Variants in HMCN1 observed in about 807,000 individuals in gnomAD.
HMCN1 encodes hemicentin 1.
Under a neutral mutation model 625.9 loss-of-function variants are expected in HMCN1, and 321 were observed. That is an observed-to-expected ratio of 0.51 (90% CI 0.47 to 0.56). The LOEUF is 0.56. Among genes scored for constraint, HMCN1 ranks in the 20% least tolerant of loss-of-function variants. The pLI is 0.00. For synonymous variants in HMCN1, 2,425 were observed against 2,417.6 expected, an observed-to-expected ratio of 1.00 and a Z score of -0.09; for missense variants, 6,588 against 6,887.3, an observed-to-expected ratio of 0.96 and a Z score of 1.54.
At chr1:186,165,276 A>C (rs1448665748) in intron 98 of HMCN1, 103 bp downstream of exon 98, 2 of 1,013,194 alleles carry the variant, frequency 2.0e-6, no homozygotes, top group African/African-American at 3.2e-5. Flanking sequence ...TTTAATCTTC[A>C]CAACAGTTCT....
intron 10 of HMCN1, among the ~76,000 whole-genome samples, chr1:185,932,170 G>A (rs1667583648): frequency 6.6e-6 from 1 of 151,970 alleles, no homozygotes; most frequent in Non-Finnish European, 1.5e-5. Flanking sequence ...GGATTCACTA[G>A]CTATTTTCAT....
intron 86 of HMCN1, among the ~76,000 whole-genome samples, chr1:186,135,388 A>G (rs370639225): frequency 3.3e-5 from 5 of 152,108 alleles, no homozygotes; most frequent in African/African-American, 9.7e-5. Context: ...TGCTGTTGCA[A>G]TGGTTTCTGT....
chr1:186,013,977 A>G (rs1654171357), intron 30 of HMCN1, among the ~76,000 whole-genome samples: 1 of 152,170 alleles, frequency 6.6e-6, no homozygotes, highest in Non-Finnish European at 1.5e-5. Flanking sequence ...CTCCATTTCT[A>G]TGGGCTGGAA....
chr1:186,128,063 T>C lies in HMCN1; in HGVS notation c.12691-15T>C. The C allele has an allele frequency of 6.2e-7, 1 of 1,607,904 alleles. No individual in the cohort carries two copies. On this transcript the variant is annotated splice_polypyrimidine_tract_variant and intron_variant, in intron 82 of 106. Coordinates refer to ENST00000271588, the MANE Select transcript of HMCN1 (RefSeq NM_031935.3). Reference sequence around the variant, plus strand: ...ATGATTATGAAATTTTAAATGTTACTTTTTTTAATTTTAGCTGGAGGATTC... The same window carrying C: ...ATGATTATGAAATTTTAAATGTTACCTTTTTTAATTTTAGCTGGAGGATTC...
In HMCN1 at chr1:186,053,875, G is replaced by A. The variant is rs758599839; in HGVS notation, c.6751G>A (p.Gly2251Ser). Reference protein sequence around the residue: ...SMGRVRILSGGRQLQISIAEK... With the variant: ...SMGRVRILSGSRQLQISIAEK... ...GGGGCGAGTTAGAATTTTATCTGGG[G>A]GCAGGCAATTACAAATTTCAATTGC... is the stretch of plus-strand genomic sequence containing the variant. Residue 2251 changes from glycine to serine, a missense_variant, in exon 44 of 107, where the codon GGC becomes AGC. Around this residue, in one of 3 missense-constraint regions of HMCN1, gnomAD observed 4,628 missense variants for 4,853.1 expected, o/e 0.95. Coordinates refer to ENST00000271588, the MANE Select transcript of HMCN1 (RefSeq NM_031935.3). 22 of 1,612,672 alleles carry A rather than the reference G, an allele frequency of 1.4e-5. No individual in the cohort carries two copies. In the East Asian group the frequency reaches 4.9e-4, roughly 36 times the overall value.
chr1:185,986,785 G>T (rs1166005742), intron 19 of HMCN1, among the ~76,000 whole-genome samples: 2 of 140,984 alleles, frequency 1.4e-5, no homozygotes, highest in African/African-American at 5.4e-5. Context: ...GTGAGCCTAG[G>T]AGTTCAAGAC....
Position 186,174,518 on chromosome 1 carries a change from T to G in HMCN1, c.15819T>G (p.Ile5273Met). The change falls in exon 103 of 107, where the codon ATT becomes ATG. Residue 5273 changes from isoleucine to methionine, a missense_variant. By Grantham distance (10) the Ile-to-Met change is conservative (BLOSUM62 1). Transcript: ENST00000271588. Reference protein sequence around the residue: ...TKAENGTCIDIDECKDGTHQC... With the variant: ...TKAENGTCIDMDECKDGTHQC... ...TCATTGCCTCCATGTCTGTAGATAT[T>G]GATGAATGTAAAGATGGGACCCATC... The G allele has an allele frequency of 6.2e-7, 1 of 1,613,824 alleles. No homozygotes were observed. The highest frequency in any genetic ancestry group is 8.5e-7 in the Non-Finnish European group (1 of 1,179,738).
intron 70 of HMCN1, among the ~76,000 whole-genome samples, chr1:186,107,821 C>T (rs1025705288): frequency 1.3e-5 from 2 of 151,964 alleles, no homozygotes; most frequent in Admixed American, 6.6e-5. Flanking sequence ...AACTAATTGT[C>T]AAATTACTTC....
rs143725173 is a variant in HMCN1, at chr1:186,189,585, G to T, written c.16615G>T (p.Val5539Phe). The change falls in exon 107 of 107, where the codon GTC becomes TTC. Residue 5539 changes from valine (V) to phenylalanine (F), a missense_variant. By Grantham distance (50) the Val-to-Phe change is conservative (BLOSUM62 -1). Transcript: ENST00000271588. ...LSPYALEYKLVSLPFGIATNQ... is the reference protein window; with the variant it reads ...LSPYALEYKLFSLPFGIATNQ... Reference sequence around the variant, plus strand: ...CCCATATGCCTTGGAATACAAACTCGTCTCCCTCCCATTTGGAATAGCCAC... The same window carrying T: ...CCCATATGCCTTGGAATACAAACTCTTCTCCCTCCCATTTGGAATAGCCAC... The T allele has an allele frequency of 4.3e-6, 7 of 1,613,608 alleles. No homozygotes were observed. The highest frequency in any genetic ancestry group is 1.3e-5 in the African/African-American group (1 of 74,986).
chr1:185,783,711 G>A (rs757203022), intron 1 of HMCN1, among the ~76,000 whole-genome samples: 78 of 152,282 alleles, frequency 5.1e-4, no homozygotes, highest in Non-Finnish European at 8.1e-4. Flanking sequence ...TGGAAGCTTC[G>A]TCTCAGAGGG....
intron 105 of HMCN1, among the ~76,000 whole-genome samples, chr1:186,187,282 C>T (rs1232557389): frequency 6.6e-6 from 1 of 152,136 alleles, no homozygotes; most frequent in Admixed American, 6.6e-5. Flanking sequence ...TGAACTGCTC[C>T]ATTCGATCAG....
intron 104 of HMCN1, among the ~76,000 whole-genome samples, chr1:186,181,720 G>C (rs1452786660): frequency 6.6e-6 from 1 of 152,094 alleles, no homozygotes; most frequent in Non-Finnish European, 1.5e-5. Context: ...GAGAGAAAGA[G>C]AGCCAAAGTT....
At chr1:185,927,667 C>T (rs765646609) in intron 9 of HMCN1, among the ~76,000 whole-genome samples, 1 of 152,056 alleles carries the variant, frequency 6.6e-6, no homozygotes, top group Non-Finnish European at 1.5e-5. Context: ...TATTTTATAC[C>T]ACTTTCAGAA....
At chr1:185,902,089 C>T (rs932284442) in intron 4 of HMCN1, among the ~76,000 whole-genome samples, 12 of 151,618 alleles carry the variant, frequency 7.9e-5, no homozygotes, top group Middle Eastern at 3.4e-3. Context: ...CTCATAGTTT[C>T]TTCTTCTCTT....
chr1:186,095,705 T>C (rs1288008435), intron 68 of HMCN1, among the ~76,000 whole-genome samples, 184 bp downstream of exon 68: 1 of 152,186 alleles, frequency 6.6e-6, no homozygotes, highest in Non-Finnish European at 1.5e-5. Flanking sequence ...TGAATTTAAA[T>C]TGTATTTTTT....
chr1:186,166,918 A>C lies in HMCN1; in HGVS notation c.15550A>C (p.Thr5184Pro). Reference sequence around the variant, plus strand: ...CCGTTGTGGAAGTGGCTTTCGAAGAACCTCTGATGGGCTGAGTTGTCAAGG... The same window carrying C: ...CCGTTGTGGAAGTGGCTTTCGAAGACCCTCTGATGGGCTGAGTTGTCAAGG... The part of the protein sequence containing the change: ...VVRCGSGFRR[T>P]SDGLSCQDIN... Residue 5184 changes from threonine to proline, a missense_variant, in exon 100 of 107, where the codon ACC becomes CCC. By Grantham distance (38) the Thr-to-Pro change is conservative. Coordinates refer to ENST00000271588, the MANE Select transcript of HMCN1 (RefSeq NM_031935.3). 6.2e-7 allele frequency: 1 copy of C among 1,613,510 alleles called. No individual in the cohort carries two copies. Among genetic ancestry groups the C allele is most frequent in the Non-Finnish European group, 8.5e-7 (1 of 1,179,820 alleles).
chr1:186,044,125 T>C (rs539377358), intron 40 of HMCN1, among the ~76,000 whole-genome samples: 6 of 152,292 alleles, frequency 3.9e-5, no homozygotes, highest in African/African-American at 1.4e-4. Flanking sequence ...GTGCTCACTT[T>C]GCTATTTTTA....
intron 81 of HMCN1, among the ~76,000 whole-genome samples, chr1:186,125,170 A>G (rs771785763): frequency 1.3e-5 from 2 of 151,820 alleles, no homozygotes; most frequent in Non-Finnish European, 2.9e-5. Flanking sequence ...GTATTGGGTG[A>G]GTGTTTTATA....
chr1:185,768,853 C>T (rs1278196978), intron 1 of HMCN1, among the ~76,000 whole-genome samples: 1 of 152,130 alleles, frequency 6.6e-6, no homozygotes, highest in Non-Finnish European at 1.5e-5. Flanking sequence ...AGTTAAGTAT[C>T]ATATCTGTTA....
Sources: gnomAD v4.1 joint callset for allele counts (sites outside exome capture counted in the v4.1 genomes callset) on GRCh38, gnomAD v4.1.1 for gene constraint, gnomAD v4.1.1 regional missense constraint, MANE v1.5 for transcripts, NCBI Gene and HGNC (gene_info 2026-07-23, HGNC 2026-07-21) for gene names.